DMD: variants seen among roughly 807,000 people sequenced by gnomAD.
The protein encoded by DMD is mutant dystrophin.
DMD carries 63 observed loss-of-function variants against 330.1 expected under a neutral mutation model. The ratio of observed to expected loss-of-function variants is 0.19; its 90% CI spans 0.16 to 0.24. The LOEUF is 0.24. Among genes scored for constraint, DMD ranks in the 10% least tolerant of loss-of-function variants. The pLI, the probability that DMD is intolerant of heterozygous loss-of-function variation, is 1.00. For missense variants in DMD, 3,344 were observed against 2,684.1 expected (o/e 1.25, Z -5.43); for synonymous variants, 1,223 against 959.8 (o/e 1.27, Z -5.07).
intron 2 of DMD, among the ~76,000 whole-genome samples, chrX:32,900,462 G>T (rs376603215): frequency 2.9e-4 from 32 of 111,423 alleles, no homozygotes; most frequent in African/African-American, 9.8e-4. Context: ...AACTGCCTCA[G>T]CCTCCTGAGT....
At chrX:31,638,485 G>A (rs1461374768) in intron 54 of DMD, among the ~76,000 whole-genome samples, 4 of 112,089 alleles carry the variant, frequency 3.6e-5, no homozygotes, top group African/African-American at 9.7e-5. Context: ...CATCCTTTGC[G>A]TAAAATCATG....
chrX:33,215,691 A>C (rs143868503), upstream of DMD, among the ~76,000 whole-genome samples: 289 of 111,920 alleles, frequency 2.6e-3, 2 homozygotes, highest in African/African-American at 8.9e-3. Flanking sequence ...CCGTCAGTTG[A>C]TTTTTGTATA....
At chrX:32,860,550 T>G (rs5927105) in intron 2 of DMD, among the ~76,000 whole-genome samples, 36,497 of 108,860 alleles carry the variant, frequency 0.34, 4,454 homozygotes, top group Admixed American at 0.47. Context: ...GCAACCCATT[T>G]TCATGTAAAT....
At chrX:31,684,153 G>A (rs1306111042) in intron 52 of DMD, among the ~76,000 whole-genome samples, 1 of 111,751 alleles carries the variant, frequency 8.9e-6, no homozygotes, top group East Asian at 2.8e-4. Context: ...CAGTGCAGTG[G>A]TAGAAATCTT....
chrX:32,740,562 T>C (rs1305030531), intron 7 of DMD, among the ~76,000 whole-genome samples: 2 of 111,530 alleles, frequency 1.8e-5, no homozygotes, highest in African/African-American at 6.5e-5. Context: ...GAATTTTACA[T>C]GAATATTTAC....
At chrX:32,573,356 C>G (rs1380042753) in intron 15 of DMD, among the ~76,000 whole-genome samples, 174 bp downstream of exon 15, 1 of 111,657 alleles carries the variant, frequency 9.0e-6, no homozygotes, top group Non-Finnish European at 1.9e-5. Context: ...GAAAATCCAC[C>G]TATAGTTTTT....
chrX:31,690,985 G>T (rs892205471), intron 52 of DMD, among the ~76,000 whole-genome samples: 6 of 110,351 alleles, frequency 5.4e-5, no homozygotes, highest in Non-Finnish European at 9.5e-5. Flanking sequence ...AGGGGACGGG[G>T]GAGGGATAGC....
intron 44 of DMD, among the ~76,000 whole-genome samples, chrX:32,072,265 C>A: frequency 9.0e-6 from 1 of 111,508 alleles, no homozygotes; most frequent in East Asian, 2.8e-4. Context: ...GAAGTCATTT[C>A]TTAATGTTTC....
intron 46 of DMD, among the ~76,000 whole-genome samples, chrX:31,930,428 G>T (rs760862242): frequency 9.1e-6 from 1 of 110,302 alleles, no homozygotes; most frequent in African/African-American, 3.3e-5. Flanking sequence ...TAAATTTCTC[G>T]AACTCATTCA....
intron 1 of DMD, among the ~76,000 whole-genome samples, chrX:33,271,355 A>G (rs985335239): frequency 8.9e-6 from 1 of 111,735 alleles, no homozygotes; most frequent in African/African-American, 3.2e-5. Flanking sequence ...AACTAAAAAA[A>G]AAAAAGCAAA....
At chrX:31,653,350 T>C (rs1375193423) in intron 54 of DMD, among the ~76,000 whole-genome samples, 2 of 111,907 alleles carry the variant, frequency 1.8e-5, no homozygotes, top group Admixed American at 9.4e-5. Flanking sequence ...CATATGCATA[T>C]ACACGTATAT....
At chrX:33,178,546 T>C (rs2049801617) in intron 1 of DMD, among the ~76,000 whole-genome samples, 1 of 112,610 alleles carries the variant, frequency 8.9e-6, no homozygotes, top group Non-Finnish European at 1.9e-5. Context: ...CTTACCATTA[T>C]CACTTTTTGT....
chrX:31,405,390 G>C (rs1026699451), intron 60 of DMD, among the ~76,000 whole-genome samples: 2 of 111,899 alleles, frequency 1.8e-5, no homozygotes, highest in Non-Finnish European at 3.8e-5. Context: ...AAATCTGTAA[G>C]AAATTTTTCA....
chrX:32,595,685 A>G, intron 13 of DMD, 72 bp downstream of exon 13: 1 of 1,058,524 alleles, frequency 9.4e-7, no homozygotes, highest in Non-Finnish European at 1.3e-6. Context: ...TGCATTCTAA[A>G]TTTTTAAAAT....
intron 62 of DMD, among the ~76,000 whole-genome samples, chrX:31,285,574 T>C (rs1379458494): frequency 8.9e-6 from 1 of 112,059 alleles, no homozygotes; most frequent in Non-Finnish European, 1.9e-5. Flanking sequence ...ATGAGGATTT[T>C]AGATATTGAT....
intron 44 of DMD, among the ~76,000 whole-genome samples, chrX:32,087,820 G>T (rs2096450124): frequency 8.9e-6 from 1 of 112,443 alleles, no homozygotes; most frequent in Non-Finnish European, 1.9e-5. Context: ...CCCTATACTT[G>T]GCAAACCTGG....
intron 1 of DMD, among the ~76,000 whole-genome samples, chrX:33,079,215 T>C (rs183178560): frequency 8.8e-4 from 98 of 111,548 alleles, no homozygotes; most frequent in Non-Finnish European, 1.7e-3. Context: ...TTTCTCCATG[T>C]TGGTCAGGCT....
intron 7 of DMD, among the ~76,000 whole-genome samples, chrX:32,775,397 C>T (rs1191628565): frequency 8.9e-6 from 1 of 112,767 alleles, no homozygotes; most frequent in Non-Finnish European, 1.9e-5. Context: ...AGTAGAGGTT[C>T]TCCATGAGGA....
chrX:32,852,991 C>G (rs932048427), intron 2 of DMD, among the ~76,000 whole-genome samples: 2 of 111,862 alleles, frequency 1.8e-5, no homozygotes, highest in Non-Finnish European at 3.8e-5. Flanking sequence ...AGAAAAGATA[C>G]ATTCCAAAAA....
Sources: gnomAD v4.1 joint callset for allele counts (sites outside exome capture counted in the v4.1 genomes callset) on GRCh38, gnomAD v4.1.1 for gene constraint, MANE v1.5 for transcripts, NCBI Gene and HGNC (gene_info 2026-07-23, HGNC 2026-07-21) for gene names.